DMXL1: variants seen among roughly 807,000 people sequenced by gnomAD.
DMXL1 encodes the protein Dmx like 1.
In DMXL1, 99 loss-of-function variants were observed where a neutral mutation model predicts 319.2. The ratio of observed to expected loss-of-function variants is 0.31; its 90% CI spans 0.26 to 0.37. DMXL1 has a LOEUF of 0.37. Ranked by LOEUF, DMXL1 falls within the 10% of genes least tolerant of loss-of-function variation. DMXL1 has a pLI of 1.00. For synonymous variants in DMXL1, 1,385 were observed against 1,235.2 expected (o/e 1.12, Z -2.54); for missense variants, 3,745 against 3,595.6 (o/e 1.04, Z -1.06).
intron 3 of DMXL1, among the ~76,000 whole-genome samples, chr5:119,103,528 C>T (rs1213084313): frequency 6.6e-6 from 1 of 152,090 alleles, no homozygotes; most frequent in Non-Finnish European, 1.5e-5. Flanking sequence ...TGTATTGATT[C>T]CTAGGTGTGA....
intron 29 of DMXL1, among the ~76,000 whole-genome samples, chr5:119,191,463 C>G (rs1245588673): frequency 1.3e-5 from 2 of 152,164 alleles, no homozygotes; most frequent in Non-Finnish European, 2.9e-5. Context: ...TTTATTCATT[C>G]ATATATTCAA....
intron 42 of DMXL1, among the ~76,000 whole-genome samples, chr5:119,244,054 C>T (rs550787311): frequency 3.3e-5 from 5 of 152,312 alleles, no homozygotes; most frequent in African/African-American, 1.2e-4. Flanking sequence ...CTTCTGAGTA[C>T]TCCACCGAGG....
chr5:119,132,674 C>CA (rs372333927), intron 10 of DMXL1: 24,069 of 328,650 alleles, frequency 0.073, 161 homozygotes, highest in African/African-American at 0.14. Context: ...GACTCCGTCT[C>CA]AAAAAAAAAA....
chr5:119,141,971 A>G (rs1405795309), intron 13 of DMXL1, among the ~76,000 whole-genome samples: 2 of 152,160 alleles, frequency 1.3e-5, no homozygotes, highest in Non-Finnish European at 2.9e-5. Context: ...CACACCTACA[A>G]CTGTCTGATC....
At chr5:119,156,739 G>A (rs1771163949) in intron 19 of DMXL1, among the ~76,000 whole-genome samples, 1 of 150,950 alleles carries the variant, frequency 6.6e-6, no homozygotes, top group Admixed American at 6.6e-5. Flanking sequence ...AGATATTTGA[G>A]GAACCTTCAT....
intron 1 of DMXL1, among the ~76,000 whole-genome samples, chr5:119,091,485 C>T (rs1490521041): frequency 6.6e-6 from 1 of 152,200 alleles, no homozygotes; most frequent in Non-Finnish European, 1.5e-5. Flanking sequence ...GTTGGGATTA[C>T]AGGCGTGATC....
chr5:119,099,257 C>G (rs1172430396), intron 2 of DMXL1, among the ~76,000 whole-genome samples: 1 of 151,962 alleles, frequency 6.6e-6, no homozygotes, highest in Non-Finnish European at 1.5e-5. Flanking sequence ...GTTGCCCAGG[C>G]TGGAGTGCAG....
At chr5:119,225,639 C>T (rs1785406879) in intron 38 of DMXL1, among the ~76,000 whole-genome samples, 1 of 152,068 alleles carries the variant, frequency 6.6e-6, no homozygotes, top group East Asian at 1.9e-4. Context: ...TTTTCTGCTT[C>T]ATTTATGATA....
At chr5:119,084,462 A>AT in intron 1 of DMXL1, among the ~76,000 whole-genome samples, 1 of 152,158 alleles carries the variant, frequency 6.6e-6, no homozygotes, top group South Asian at 2.1e-4. Flanking sequence ...TGTTTTGGCT[A>AT]TTTGGGGTGT....
Position 119,134,468 on chromosome 5 carries a change from C to T in DMXL1, c.2376+79C>T, listed in dbSNP as rs148682750. 3.0e-4 allele frequency: 352 copies of T among 1,179,744 alleles called. 1 individual carries two copies. The African/African-American group carries it at 3.2e-3, about 11-fold the overall frequency. The allele number at this position is 1,179,744 out of a possible 1,614,324, so 73.1% of individuals were successfully genotyped here. A position where few individuals can be genotyped will look rare whatever the true frequency, so the allele number is the denominator to read the frequency against. ...GTTTATATTTATTGGGCATGTTCTA[C>T]AATTGTGACCTATAATTTGTAATAA... is the stretch of plus-strand genomic sequence containing the variant. On this transcript the variant is annotated intron_variant, in intron 13 of 43. Coordinates refer to ENST00000539542, the MANE Select transcript of DMXL1 (RefSeq NM_001290321.3).
chr5:119,108,783 A>G (rs770890355), intron 4 of DMXL1, among the ~76,000 whole-genome samples: 3 of 151,792 alleles, frequency 2.0e-5, no homozygotes, highest in Non-Finnish European at 4.4e-5. Context: ...TGAGATCCTC[A>G]TTATTTACCA....
intron 8 of DMXL1, 22 bp from the exon 9 acceptor site, chr5:119,120,949 A>C (rs745951510): frequency 2.5e-6 from 4 of 1,590,294 alleles, no homozygotes; most frequent in Non-Finnish European, 3.4e-6. Context: ...TATAGGTATT[A>C]GTTTTGTTTC....
rs761809542 is a variant in DMXL1, at chr5:119,149,032, A to G, written c.3205A>G (p.Arg1069Gly). 6.2e-7 allele frequency: 1 copy of G among 1,613,936 alleles called. No individual in the cohort carries two copies. Among genetic ancestry groups the G allele is most frequent in the South Asian group, 1.1e-5 (1 of 91,082 alleles). ...VAYKQPASNS[R>G]SSQDFVMHVS... ...TTATAAGCAGCCTGCATCTAATAGT[A>G]GATCTTCCCAGGACTTTGTGATGCA... is the stretch of plus-strand genomic sequence containing the variant. Residue 1069 changes from arginine (R) to glycine (G), a missense_variant, in exon 18 of 44, where the codon AGA becomes GGA. By Grantham distance (125) the Arg-to-Gly change is moderately radical (BLOSUM62 -2). Around this residue, in one of 4 missense-constraint regions of DMXL1, gnomAD observed 2,096 missense variants for 1,985.4 expected, o/e 1.06. Coordinates refer to ENST00000539542, the MANE Select transcript of DMXL1 (RefSeq NM_001290321.3).
chr5:119,105,425 T>C (rs1474954811), intron 4 of DMXL1, among the ~76,000 whole-genome samples, 167 bp downstream of exon 4: 1 of 152,164 alleles, frequency 6.6e-6, no homozygotes, highest in Non-Finnish European at 1.5e-5. Context: ...TGAAGACAGA[T>C]ATGCACTGTA....
At chr5:119,148,671 G>T in intron 17 of DMXL1, 68 bp from the exon 18 acceptor site, 1 of 1,469,428 alleles carries the variant, frequency 6.8e-7, no homozygotes, top group Non-Finnish European at 9.2e-7. Flanking sequence ...GACTAAAATC[G>T]TAAGTACATA....
At chr5:119,088,027 C>A (rs1449169863) in intron 1 of DMXL1, among the ~76,000 whole-genome samples, 1 of 152,158 alleles carries the variant, frequency 6.6e-6, no homozygotes, top group Non-Finnish European at 1.5e-5. Flanking sequence ...GCCTCGAACT[C>A]CTGACTTCAG....
At chr5:119,152,391 CCAAA>C (rs1770005218) in intron 19 of DMXL1, among the ~76,000 whole-genome samples, 2 of 151,912 alleles carry the variant, frequency 1.3e-5, no homozygotes, top group South Asian at 2.1e-4. Context: ...AGTTTTTCCA[CCAAA>C]CATTGAATAA....
chr5:119,114,061 G>C (rs1166951243), intron 5 of DMXL1, among the ~76,000 whole-genome samples: 2 of 152,164 alleles, frequency 1.3e-5, no homozygotes, highest in African/African-American at 4.8e-5. Flanking sequence ...CAAGTCCCCT[G>C]TTAACCCACA....
At chr5:119,115,250 A>G (rs1760584201) in intron 6 of DMXL1, among the ~76,000 whole-genome samples, 1 of 152,246 alleles carries the variant, frequency 6.6e-6, no homozygotes, top group Non-Finnish European at 1.5e-5. Context: ...TATACAATCA[A>G]TAAAGCATAG....
Sources: gnomAD v4.1 joint callset for allele counts (sites outside exome capture counted in the v4.1 genomes callset) on GRCh38, gnomAD v4.1.1 for gene constraint, gnomAD v4.1.1 regional missense constraint, MANE v1.5 for transcripts, NCBI Gene and HGNC (gene_info 2026-07-23, HGNC 2026-07-21) for gene names.